Variants in ZFHX4 observed in about 807,000 individuals in gnomAD.
The protein encoded by ZFHX4 is zinc finger homeobox protein 4.
Under a neutral mutation model 267.6 loss-of-function variants are expected in ZFHX4, and 56 were observed. The observed-to-expected ratio is 0.21, with a 90% CI of 0.17 to 0.26. ZFHX4 has a LOEUF of 0.26. Among genes scored for constraint, ZFHX4 ranks in the 10% least tolerant of loss-of-function variants. The pLI, the probability that ZFHX4 is intolerant of heterozygous loss-of-function variation, is 1.00. For missense variants in ZFHX4, 4,332 were observed against 4,420.0 expected (o/e 0.98, Z 0.56); for synonymous variants, 1,778 against 1,665.6 (o/e 1.07, Z -1.64).
chr8:76,762,865 C>G (rs766033923), intron 3 of ZFHX4, among the ~76,000 whole-genome samples: 4 of 152,074 alleles, frequency 2.6e-5, no homozygotes, highest in Non-Finnish European at 4.4e-5. Flanking sequence ...TTGCCACTTG[C>G]CAAATAAGGT....
Position 76,854,937 on chromosome 8 carries a change from G to C in ZFHX4, c.8016G>C (p.Gln2672His). The change falls in exon 10 of 11, where the codon CAG (glutamine) becomes CAC (histidine). Residue 2672 changes from glutamine (Q) to histidine (H), a missense_variant. This residue lies in a region of ZFHX4 where 1,648 missense variants were observed against 1,625.0 expected (regional missense o/e 1.01). Transcript: ENST00000651372. ...AGTTCCGGGCGGTGGGTCCAGCACAGTCTCATAAACGGTGTCCGTTTTGCC... is the reference window on the plus strand; with the variant it reads ...AGTTCCGGGCGGTGGGTCCAGCACACTCTCATAAACGGTGTCCGTTTTGCC... The part of the protein sequence containing the change: ...KGQFRAVGPA[Q>H]SHKRCPFCRA... The C allele has an allele frequency of 6.2e-7, 1 of 1,613,938 alleles. No individual in the cohort carries two copies. The highest frequency in any genetic ancestry group is 8.5e-7 in the Non-Finnish European group (1 of 1,179,870).
intron 3 of ZFHX4, among the ~76,000 whole-genome samples, chr8:76,737,523 A>T (rs912132751): frequency 3.3e-5 from 5 of 152,134 alleles, no homozygotes; most frequent in Admixed American, 6.6e-5. Flanking sequence ...AGTCAGAGAA[A>T]CTTGCATCTA....
intron 3 of ZFHX4, among the ~76,000 whole-genome samples, chr8:76,754,704 G>A (rs893844483): frequency 1.3e-5 from 2 of 152,046 alleles, no homozygotes; most frequent in African/African-American, 2.4e-5. Context: ...TGTTGAGAAC[G>A]TTCAAAATCC....
At chr8:76,727,454 G>A (rs958234660) in intron 3 of ZFHX4, among the ~76,000 whole-genome samples, 1 of 152,082 alleles carries the variant, frequency 6.6e-6, no homozygotes, top group African/African-American at 2.4e-5. Context: ...ATTTCATGTG[G>A]ATTGATTTTG....
At chr8:76,850,427 C>A in intron 9 of ZFHX4, 65 bp downstream of exon 9, 1 of 1,291,698 alleles carries the variant, frequency 7.7e-7, no homozygotes, top group Non-Finnish European at 1.1e-6. Flanking sequence ...TGTGGTGGTG[C>A]CCAAAGATTA....
chr8:76,701,632 T>G (rs1488400748), intron 1 of ZFHX4, among the ~76,000 whole-genome samples: 1 of 152,158 alleles, frequency 6.6e-6, no homozygotes, highest in Non-Finnish European at 1.5e-5. Flanking sequence ...TCATTTGAGT[T>G]GCATTTAGAA....
chr8:76,844,386 C>G (rs749883727), intron 6 of ZFHX4, among the ~76,000 whole-genome samples: 6 of 152,026 alleles, frequency 3.9e-5, no homozygotes, highest in African/African-American at 1.4e-4. Flanking sequence ...CATGTAATCC[C>G]GAGGTATATG....
At position 76,708,063 on chromosome 8, in the gene ZFHX4, C is replaced by A; in HGVS notation, c.3093+15C>A. ...AGCTCTACAAGGTAAGCAGTGACAT[C>A]CATTTCCGTTGGCACAGAGTAGAAA... On this transcript the variant is annotated intron_variant, in intron 3 of 10. Coordinates refer to ENST00000651372, the MANE Select transcript of ZFHX4 (RefSeq NM_024721.5). 3 of 1,612,004 alleles carry A rather than the reference C, an allele frequency of 1.9e-6. No homozygotes were observed. The highest frequency in any genetic ancestry group is 2.5e-6 in the Non-Finnish European group (3 of 1,179,862).
intron 3 of ZFHX4, among the ~76,000 whole-genome samples, chr8:76,710,215 T>C (rs1808387475): frequency 6.6e-6 from 1 of 152,222 alleles, no homozygotes; most frequent in South Asian, 2.1e-4. Context: ...ATTTGAGCTA[T>C]TGAGACTTGG....
chr8:76,768,787 C>T (rs1317135175), intron 3 of ZFHX4, among the ~76,000 whole-genome samples: 1 of 152,098 alleles, frequency 6.6e-6, no homozygotes, highest in Non-Finnish European at 1.5e-5. Flanking sequence ...TATGAGTGAT[C>T]TGCATCCAGG....
intron 1 of ZFHX4, 84 bp from the exon 2 acceptor site, chr8:76,703,959 G>T: frequency 1.0e-6 from 1 of 969,024 alleles, no homozygotes. Flanking sequence ...CACGTTTACA[G>T]CAGCTGTAAA....
In ZFHX4 at chr8:76,748,555, C is replaced by T. The variant is rs184639067; in HGVS notation, c.3094-29653C>T. On this transcript the variant is annotated intron_variant, in intron 3 of 10. Coordinates refer to ENST00000651372, the MANE Select transcript of ZFHX4 (RefSeq NM_024721.5). Reference sequence around the variant, plus strand: ...ACTCAAGCGATCCTCCCACCTCAGCCTCCTGAGTAGCTGGGGGTACAGGCA... The same window carrying T: ...ACTCAAGCGATCCTCCCACCTCAGCTTCCTGAGTAGCTGGGGGTACAGGCA... 1.4e-4 allele frequency among the ~76,000 whole-genome samples: 21 copies of T among 152,312 alleles called. No homozygotes were observed. In the East Asian group the frequency reaches 1.9e-3, roughly 14 times the overall value.
intron 3 of ZFHX4, among the ~76,000 whole-genome samples, chr8:76,772,676 A>T (rs529637066): frequency 6.6e-6 from 1 of 152,208 alleles, no homozygotes; most frequent in East Asian, 1.9e-4. Flanking sequence ...ATCTTATCTC[A>T]GCCCCACCTA....
intron 3 of ZFHX4, among the ~76,000 whole-genome samples, chr8:76,760,978 A>G (rs547187521): frequency 2.1e-4 from 32 of 150,938 alleles, no homozygotes; most frequent in Non-Finnish European, 4.1e-4. Flanking sequence ...CTGGCTCTCT[A>G]TTGAGAGCCA....
chr8:76,698,100 AG>A (rs1475992067), intron 1 of ZFHX4, among the ~76,000 whole-genome samples: 3 of 152,154 alleles, frequency 2.0e-5, no homozygotes, highest in Non-Finnish European at 4.4e-5. Context: ...AGAAAGACTC[AG>A]AAAGAGGCAC....
At chr8:76,842,211 G>GT (rs1179015226) in intron 5 of ZFHX4, among the ~76,000 whole-genome samples, 1 of 152,102 alleles carries the variant, frequency 6.6e-6, no homozygotes, top group East Asian at 1.9e-4. Flanking sequence ...GAAAGCTGGA[G>GT]TAACACCTGT....
At chr8:76,827,511 TG>T (rs1409538887) in intron 4 of ZFHX4, among the ~76,000 whole-genome samples, 1 of 152,216 alleles carries the variant, frequency 6.6e-6, no homozygotes, top group Admixed American at 6.5e-5. Context: ...CACAAAAGGT[TG>T]ATCTTTTAAT....
At position 76,778,233 on chromosome 8, in the gene ZFHX4, T is replaced by C; in HGVS notation, c.3119T>C (p.Val1040Ala). The C allele has an allele frequency of 6.2e-7, 1 of 1,613,362 alleles. No individual in the cohort carries two copies. The highest frequency in any genetic ancestry group is 1.1e-5 in the South Asian group (1 of 91,068). ...YKHLQKQEGA[V>A]NPESCYYYCA... Reference sequence around the variant, plus strand: ...CACTTGCAGAAGCAAGAGGGTGCAGTGAATCCCGAATCCTGCTATTACTAC... The same window carrying C: ...CACTTGCAGAAGCAAGAGGGTGCAGCGAATCCCGAATCCTGCTATTACTAC... Residue 1040 changes from valine to alanine, a missense_variant, in exon 4 of 11, where the codon GTG (valine) becomes GCG (alanine). By Grantham distance (64) the Val-to-Ala change is moderately conservative. Around this residue, in one of 7 missense-constraint regions of ZFHX4, gnomAD observed 1,371 missense variants for 1,423.1 expected, o/e 0.96. Transcript: ENST00000651372.
intron 4 of ZFHX4, among the ~76,000 whole-genome samples, chr8:76,829,620 T>C (rs1811880860): frequency 1.3e-5 from 2 of 152,004 alleles, no homozygotes; most frequent in East Asian, 3.9e-4. Flanking sequence ...ACCAGTTTGG[T>C]CAACATGAAG....
Sources: allele counts gnomAD v4.1 joint callset (sites outside exome capture counted in the v4.1 genomes callset), GRCh38; gene constraint gnomAD v4.1.1; regional missense constraint gnomAD v4.1.1; transcripts MANE v1.5; gene names NCBI Gene and HGNC (gene_info 2026-07-23, HGNC 2026-07-21).